The following SBNO1 variants were observed in gnomAD, a reference collection of about 807,000 sequenced individuals.
SBNO1 encodes the protein protein strawberry notch homolog 1.
Under a neutral mutation model 173.6 loss-of-function variants are expected in SBNO1, and 23 were observed. The ratio of observed to expected loss-of-function variants is 0.13; its 90% CI spans 0.10 to 0.19. SBNO1 has a LOEUF of 0.19. Ranked by LOEUF, SBNO1 falls within the 10% of genes least tolerant of loss-of-function variation. The probability of loss-of-function intolerance (pLI) is 1.00; values close to 1 mark genes in which losing one functional copy is unlikely to be tolerated. For synonymous variants in SBNO1, 632 were observed against 571.5 expected (o/e 1.11, Z -1.51); for missense variants, 1,238 against 1,671.2 (o/e 0.74, Z 4.52).
chr12:123,345,568 C>T lies in SBNO1; in HGVS notation c.240G>A (p.Gln80=), dbSNP rs766888781. Residue 80 remains glutamine, a splice_region_variant and synonymous_variant, in exon 4 of 32, where the codon CAG becomes CAA. Coordinates refer to ENST00000602398, the MANE Select transcript of SBNO1 (RefSeq NM_001167856.3). ...CAAATGTTGTAGTAGATGGAGGCTG[C>T]TGCTAGATAGAAAACAAAAAACACA... ...VPTPALLNVR[Q]QPPSTTTFVL... The T allele has an allele frequency of 3.7e-6, 6 of 1,610,794 alleles. No individual in the cohort carries two copies. The highest frequency in any genetic ancestry group is 5.1e-6 in the Non-Finnish European group (6 of 1,177,666).
At position 123,326,277 on chromosome 12, in the gene SBNO1, G is replaced by T; in HGVS notation, c.1750C>A (p.Arg584=). The T allele has an allele frequency of 6.2e-7, 1 of 1,613,064 alleles. No homozygotes were observed. Among genetic ancestry groups the T allele is most frequent in the Non-Finnish European group, 8.5e-7 (1 of 1,179,368 alleles). ...QAADLIDAEQ[R]MKKSMWGQFW... is the part of the protein sequence containing the mutation. ...TGACCCCACATGGACTTCTTCATTC[G>T]TTGCTCAGCATCAATCAGATCTGCA... Residue 584 remains arginine (R), a synonymous_variant, in exon 14 of 32, where the codon CGA becomes AGA. Transcript: ENST00000602398.
Position 123,323,740 on chromosome 12 carries a change from T to C in SBNO1, c.2065A>G (p.Ser689Gly), listed in dbSNP as rs1282392409. The change falls in exon 16 of 32, where the codon AGT becomes GGT. Residue 689 changes from serine (S) to glycine (G), a missense_variant. Ser to Gly is a moderately conservative substitution (Grantham distance 56). Around this residue, in one of 14 missense-constraint regions of SBNO1, gnomAD observed 81 missense variants for 82.6 expected, o/e 0.98. Coordinates refer to ENST00000602398, the MANE Select transcript of SBNO1 (RefSeq NM_001167856.3). ...SLLGIDLTAP[S>G]NNSSPRDSPC... ...CTATCTCTTGGCGAACTGTTGTTAC[T>C]TGGAGCTGTCAAATCGATTCCTAGT... 2 of 1,613,094 alleles carry C rather than the reference T, an allele frequency of 1.2e-6. No homozygotes were observed. The highest frequency in any genetic ancestry group is 2.2e-5 in the East Asian group (1 of 44,842).
Position 123,295,032 on chromosome 12 carries a change from C to T in SBNO1, c.*876G>A, listed in dbSNP as rs2048573544. The T allele has an allele frequency of 6.6e-6, 1 of 152,176 alleles. No homozygotes were observed. Among genetic ancestry groups the T allele is most frequent in the Non-Finnish European group, 1.5e-5 (1 of 68,040 alleles). The allele number at this position is 152,176 out of a possible 1,614,324, so 9.4% of individuals were successfully genotyped here. ...CAAGATGAAAGCCAATTTGTACTTC[C>T]TTCTAAAACTACCTTTAAGTTGCAA... On this transcript the variant is annotated 3_prime_UTR_variant, in exon 32 of 32. Transcript: ENST00000602398.
chr12:123,353,997 T>C (rs1369738467), intron 1 of SBNO1, among the ~76,000 whole-genome samples: 2 of 152,180 alleles, frequency 1.3e-5, no homozygotes, highest in African/African-American at 4.8e-5. Flanking sequence ...TATTCAAAAG[T>C]GTAGAGATGC....
rs1231054308 is a variant in SBNO1, at chr12:123,293,048, A to C, written c.*2860T>G. 1 of 152,152 alleles carries C rather than the reference A, an allele frequency of 6.6e-6. No individual in the cohort carries two copies. Among genetic ancestry groups the C allele is most frequent in the African/African-American group, 2.4e-5 (1 of 41,438 alleles). The allele number at this position is 152,152 out of a possible 1,614,324, so 9.4% of individuals were successfully genotyped here. On this transcript the variant is annotated 3_prime_UTR_variant, in exon 32 of 32. Coordinates refer to ENST00000602398, the MANE Select transcript of SBNO1 (RefSeq NM_001167856.3). ...GTTTTCAGTACAATTGACGCTGTAA[A>C]CTCTGAAAACACGAACATGATTTCC...
At chr12:123,361,402 A>G (rs890408881) in intron 1 of SBNO1, among the ~76,000 whole-genome samples, 1 of 148,076 alleles carries the variant, frequency 6.8e-6, no homozygotes, top group Non-Finnish European at 1.5e-5. Flanking sequence ...TACAAAGTTA[A>G]CCAGACGTGG....
At chr12:123,340,584 A>G (rs1445058400) in intron 5 of SBNO1, among the ~76,000 whole-genome samples, 1 of 147,204 alleles carries the variant, frequency 6.8e-6, no homozygotes, top group African/African-American at 2.6e-5. Flanking sequence ...TCTGTCTCAA[A>G]AAAAAAAAAA....
Position 123,326,190 on chromosome 12 carries a change from C to T in SBNO1, c.1837G>A (p.Val613Ile). ...ATTTCCTCTCGAGCTAGTTGCACAA[C>T]CCTTTTAACTTTGGATGCTATGCAT... ...YLCIASKVKR[V>I]VQLAREEIKN... Residue 613 changes from valine (V) to isoleucine (I), a missense_variant, in exon 14 of 32, where the codon GTT becomes ATT. This residue lies in a region of SBNO1 where 182 missense variants were observed against 339.9 expected (regional missense o/e 0.54). Transcript: ENST00000602398. 6.2e-7 allele frequency: 1 copy of T among 1,611,554 alleles called. No homozygotes were observed. The highest frequency in any genetic ancestry group is 1.1e-5 in the South Asian group (1 of 90,714).
At chr12:123,308,901 T>G (rs973140397) in intron 28 of SBNO1, among the ~76,000 whole-genome samples, 1 of 152,094 alleles carries the variant, frequency 6.6e-6, no homozygotes, top group Admixed American at 6.6e-5. Flanking sequence ...GTCGGGAGTT[T>G]GAGAACAGCC....
At chr12:123,361,403 C>T (rs549306932) in intron 1 of SBNO1, among the ~76,000 whole-genome samples, 1 of 152,020 alleles carries the variant, frequency 6.6e-6, no homozygotes, top group South Asian at 2.1e-4. Flanking sequence ...ACAAAGTTAA[C>T]CAGACGTGGT....
In SBNO1 at chr12:123,316,345, C is replaced by T. The variant is rs746274518; in HGVS notation, c.2936-685G>A. Reference sequence around the variant, plus strand: ...GTTCAAGCGATTCTCCTACCTCTGCCTCCTGAGTAGCCAGGATTACAGGCA... The same window carrying T: ...GTTCAAGCGATTCTCCTACCTCTGCTTCCTGAGTAGCCAGGATTACAGGCA... On this transcript the variant is annotated intron_variant, in intron 21 of 31. Transcript: ENST00000602398. Among the ~76,000 whole-genome samples, 41 of 151,930 alleles carry T rather than the reference C, an allele frequency of 2.7e-4. 1 individual carries two copies. The highest frequency in any genetic ancestry group is 7.4e-5 in the Non-Finnish European group (5 of 67,974).
In SBNO1 at chr12:123,298,086, C is replaced by G. The variant is rs751229191; in HGVS notation, c.3931G>C (p.Val1311Leu). The G allele has an allele frequency of 6.2e-7, 1 of 1,613,346 alleles. No individual in the cohort carries two copies. The highest frequency in any genetic ancestry group is 8.5e-7 in the Non-Finnish European group (1 of 1,179,822). Residue 1311 changes from valine to leucine, a missense_variant, in exon 31 of 32, where the codon GTG becomes CTG. Physicochemically the swap from Val to Leu is conservative, Grantham distance 32. This residue lies in a region of SBNO1 where 351 missense variants were observed against 420.3 expected (regional missense o/e 0.84). Transcript: ENST00000602398. ...TCAACTTTTGTCCAGACACTCAGCA[C>G]TGAACCACATAATACATAATATGTA... ...CRTYYVLCGS[V>L]LSVWTKVEGV... is the part of the protein sequence containing the mutation.
Position 123,331,285 on chromosome 12 carries a change from T to C in SBNO1, c.1000A>G (p.Ile334Val), listed in dbSNP as rs1871183367. Residue 334 changes from isoleucine to valine, a missense_variant, in exon 8 of 32, where the codon ATC becomes GTC. Physicochemically the swap from Ile to Val is conservative, Grantham distance 29 (BLOSUM62 3). Transcript: ENST00000602398. ...GVGKGRTIAG[I>V]IYENYLLSRK... is the part of the protein sequence containing the mutation. Reference sequence around the variant, plus strand: ...CTCAACAAATAATTTTCATAGATGATTCCTGCTATCGTCCTTCCTTTTCCT... The same window carrying C: ...CTCAACAAATAATTTTCATAGATGACTCCTGCTATCGTCCTTCCTTTTCCT... 6.2e-7 allele frequency: 1 copy of C among 1,614,004 alleles called. No homozygotes were observed. Among genetic ancestry groups the C allele is most frequent in the African/African-American group, 1.3e-5 (1 of 74,914 alleles).
At position 123,320,040 on chromosome 12, in the gene SBNO1, C is replaced by T. The variant is rs965299166; in HGVS notation, c.2668-9G>A. 6.2e-6 allele frequency: 10 copies of T among 1,613,686 alleles called. No homozygotes were observed. The highest frequency in any genetic ancestry group is 7.6e-6 in the Non-Finnish European group (9 of 1,179,888). ...CCCTTGCGGCCAGTCATCTGAGAAG[C>T]CAAACAATGTCATTACAATGAAGGT... On this transcript the variant is annotated splice_polypyrimidine_tract_variant and intron_variant, in intron 19 of 31. Transcript: ENST00000602398.
At chr12:123,299,230 T>G (rs1452742109) in intron 30 of SBNO1, among the ~76,000 whole-genome samples, 1 of 151,262 alleles carries the variant, frequency 6.6e-6, no homozygotes, top group Non-Finnish European at 1.5e-5. Flanking sequence ...TAGCCAGGAG[T>G]GGTGGCAGGC....
chr12:123,308,545 G>A (rs1312798680), intron 28 of SBNO1, among the ~76,000 whole-genome samples: 1 of 151,892 alleles, frequency 6.6e-6, no homozygotes, highest in Non-Finnish European at 1.5e-5. Context: ...GGTGGCAGGC[G>A]CCTGTAGTCC....
chr12:123,307,944 T>A (rs983346011), intron 28 of SBNO1, among the ~76,000 whole-genome samples: 3 of 152,064 alleles, frequency 2.0e-5, no homozygotes, highest in Non-Finnish European at 4.4e-5. Flanking sequence ...TGGTGGTGCG[T>A]GCCTGTAGTC....
At chr12:123,344,614 T>A (rs1872907188) in intron 4 of SBNO1, among the ~76,000 whole-genome samples, 1 of 152,082 alleles carries the variant, frequency 6.6e-6, no homozygotes, top group Non-Finnish European at 1.5e-5. Context: ...TTTGGGAGGC[T>A]AAGGTGGGCA....
chr12:123,319,730 T>A (rs1869736979), intron 20 of SBNO1, among the ~76,000 whole-genome samples, 170 bp downstream of exon 20: 1 of 151,522 alleles, frequency 6.6e-6, no homozygotes, highest in Non-Finnish European at 1.5e-5. Flanking sequence ...TATTCAATGA[T>A]AAAATAATAA....
Sources: gnomAD v4.1 joint callset for allele counts (sites outside exome capture counted in the v4.1 genomes callset) on GRCh38, gnomAD v4.1.1 for gene constraint, gnomAD v4.1.1 regional missense constraint, MANE v1.5 for transcripts, NCBI Gene and HGNC (gene_info 2026-07-23, HGNC 2026-07-21) for gene names.